The following CSMD3 variants were observed in gnomAD, a reference collection of about 807,000 sequenced individuals.
CSMD3 encodes CUB and sushi domain-containing protein 3.
Under a neutral mutation model 435.2 loss-of-function variants are expected in CSMD3, and 177 were observed. That is an observed-to-expected ratio of 0.41 (90% confidence interval 0.36 to 0.46). The LOEUF (loss-of-function observed/expected upper bound fraction) is 0.46. Ranked by LOEUF, CSMD3 falls within the 20% of genes least tolerant of loss-of-function variation. The pLI is 0.34. For synonymous variants in CSMD3, 1,656 were observed against 1,520.5 expected (o/e 1.09, Z -2.07); for missense variants, 4,265 against 4,504.6 (o/e 0.95, Z 1.52).
At chr8:113,058,884 A>T (rs935374103) in intron 5 of CSMD3, among the ~76,000 whole-genome samples, 1 of 152,080 alleles carries the variant, frequency 6.6e-6, no homozygotes, top group African/African-American at 2.4e-5. Context: ...ACAATCAAAT[A>T]CAGTAAAAAG....
intron 58 of CSMD3, among the ~76,000 whole-genome samples, chr8:112,284,191 C>T (rs1226063649): frequency 4.0e-5 from 6 of 151,556 alleles, no homozygotes; most frequent in African/African-American, 1.4e-4. Flanking sequence ...TTAAAAGAAT[C>T]TCAGTTTGTC....
chr8:112,767,854 T>C (rs1342817347), intron 13 of CSMD3, among the ~76,000 whole-genome samples: 2 of 151,802 alleles, frequency 1.3e-5, no homozygotes, highest in African/African-American at 4.8e-5. Context: ...TCTGCTAGAA[T>C]GTTAATTCCT....
chr8:112,477,316 T>C (rs958270530), intron 31 of CSMD3, among the ~76,000 whole-genome samples: 6 of 152,186 alleles, frequency 3.9e-5, no homozygotes, highest in African/African-American at 1.4e-4. Flanking sequence ...TATCCAATGG[T>C]AAGATGCTTA....
chr8:112,306,766 C>A (rs1359076241), intron 50 of CSMD3, among the ~76,000 whole-genome samples: 1 of 152,054 alleles, frequency 6.6e-6, no homozygotes, highest in Non-Finnish European at 1.5e-5. Flanking sequence ...AAATACAAGG[C>A]CAGGACTTAC....
intron 13 of CSMD3, among the ~76,000 whole-genome samples, chr8:112,728,662 T>C (rs1273813026): frequency 1.3e-5 from 2 of 152,120 alleles, no homozygotes; most frequent in South Asian, 2.1e-4. Flanking sequence ...CCATTCTTTC[T>C]GTAACTTCAA....
chr8:113,167,484 G>A (rs1052457697), intron 4 of CSMD3, among the ~76,000 whole-genome samples: 1 of 152,202 alleles, frequency 6.6e-6, no homozygotes, highest in South Asian at 2.1e-4. Context: ...AAATCATGTT[G>A]CCTTTACTCC....
chr8:113,141,178 A>T (rs949047921), intron 4 of CSMD3, among the ~76,000 whole-genome samples: 3 of 150,544 alleles, frequency 2.0e-5, no homozygotes, highest in East Asian at 1.9e-4. Flanking sequence ...GTATAATTTT[A>T]AAAAAAGTCC....
At chr8:113,331,417 A>T (rs1208803859) in intron 1 of CSMD3, among the ~76,000 whole-genome samples, 2 of 151,802 alleles carry the variant, frequency 1.3e-5, no homozygotes, top group Non-Finnish European at 3.0e-5. Flanking sequence ...AGAGGAAGAA[A>T]CATTTCCCAA....
chr8:112,982,200 A>G (rs1348578943), intron 6 of CSMD3, among the ~76,000 whole-genome samples: 2 of 151,858 alleles, frequency 1.3e-5, no homozygotes, highest in Non-Finnish European at 2.9e-5. Flanking sequence ...TTAAATTTAG[A>G]TATGCAAATC....
rs183211265 is a variant in CSMD3, at chr8:112,554,275, G to C, written c.4235-1555C>G. On this transcript the variant is annotated intron_variant, in intron 25 of 70. Coordinates refer to ENST00000297405, the MANE Select transcript of CSMD3 (RefSeq NM_198123.2). ...GCTGTTTCTCTGGAGAACCCTGACTGATATACCCATGGAGGGCTAAGGGAA... is the reference window on the plus strand; with the variant it reads ...GCTGTTTCTCTGGAGAACCCTGACTCATATACCCATGGAGGGCTAAGGGAA... Among the ~76,000 whole-genome samples the C allele has an allele frequency of 7.2e-5, 11 of 151,994 alleles. No homozygotes were observed. In the East Asian group the frequency reaches 2.1e-3, roughly 29 times the overall value.
chr8:113,064,776 C>T (rs531944774), intron 5 of CSMD3, among the ~76,000 whole-genome samples: 3 of 152,044 alleles, frequency 2.0e-5, no homozygotes, highest in Admixed American at 1.3e-4. Flanking sequence ...ACGGCTTTTT[C>T]TTTTCTTTTC....
chr8:112,871,750 A>C (rs77098630), intron 10 of CSMD3, among the ~76,000 whole-genome samples: 2,203 of 152,198 alleles, frequency 0.014, 25 homozygotes, highest in Non-Finnish European at 0.024. Context: ...ATTATGTTCA[A>C]ACATACCTTC....
intron 5 of CSMD3, among the ~76,000 whole-genome samples, chr8:113,070,329 TA>T (rs1463687345): frequency 6.6e-6 from 1 of 152,052 alleles, no homozygotes; most frequent in Non-Finnish European, 1.5e-5. Context: ...ATTCCACCTC[TA>T]AAAAATCATT....
chr8:112,366,953 A>G (rs12682600), intron 38 of CSMD3, among the ~76,000 whole-genome samples: 1 of 151,760 alleles, frequency 6.6e-6, no homozygotes, highest in Non-Finnish European at 1.5e-5. Flanking sequence ...TTTTAATTCC[A>G]TTTTTAATTC....
intron 45 of CSMD3, among the ~76,000 whole-genome samples, chr8:112,327,601 TA>T (rs1232252363): frequency 1.3e-5 from 2 of 152,204 alleles, no homozygotes; most frequent in African/African-American, 4.8e-5. Flanking sequence ...ATTCACACTT[TA>T]AAAATACACA....
intron 1 of CSMD3, among the ~76,000 whole-genome samples, chr8:113,385,566 T>G (rs2094435920): frequency 6.6e-6 from 1 of 152,106 alleles, no homozygotes; most frequent in Non-Finnish European, 1.5e-5. Flanking sequence ...ATAATGGCTT[T>G]GACTAACATT....
intron 22 of CSMD3, among the ~76,000 whole-genome samples, chr8:112,619,927 T>C (rs1379020545): frequency 6.9e-6 from 1 of 145,954 alleles, no homozygotes; most frequent in Non-Finnish European, 1.5e-5. Context: ...GCATCACCCA[T>C]GAAGGACTAC....
At chr8:113,377,066 G>A (rs2094389528) in intron 1 of CSMD3, 3 of 1,307,008 alleles carry the variant, frequency 2.3e-6, no homozygotes, top group Admixed American at 5.7e-5. Flanking sequence ...CGGGGCAAGA[G>A]CCTCACTTTT....
chr8:113,162,907 A>C (rs982415629), intron 4 of CSMD3, among the ~76,000 whole-genome samples: 3 of 152,100 alleles, frequency 2.0e-5, no homozygotes, highest in Non-Finnish European at 4.4e-5. Context: ...ACCACGTTAA[A>C]ATTTTCAGAT....
Sources: gnomAD v4.1 joint callset for allele counts (sites outside exome capture counted in the v4.1 genomes callset) on GRCh38, gnomAD v4.1.1 for gene constraint, MANE v1.5 for transcripts, NCBI Gene and HGNC (gene_info 2026-07-23, HGNC 2026-07-21) for gene names.